KCND3: variants seen among roughly 807,000 people sequenced by gnomAD.
KCND3 encodes A-type voltage-gated potassium channel KCND3.
KCND3 carries 9 observed loss-of-function variants against 51.1 expected under a neutral mutation model. That is an observed-to-expected ratio of 0.18 (90% CI 0.11 to 0.31). KCND3 has a LOEUF of 0.31. Ranked by LOEUF, KCND3 falls within the 10% of genes least tolerant of loss-of-function variation. The pLI is 1.00. For missense variants in KCND3, 526 were observed against 903.8 expected, an observed-to-expected ratio of 0.58 and a Z score of 5.36; for synonymous variants, 349 against 368.0, an observed-to-expected ratio of 0.95 and a Z score of 0.59.
At chr1:111,826,507 C>T (rs548446731) in intron 2 of KCND3, among the ~76,000 whole-genome samples, 1 of 152,270 alleles carries the variant, frequency 6.6e-6, no homozygotes, top group South Asian at 2.1e-4. Flanking sequence ...GTGCACACAC[C>T]CACCATCATC....
intron 2 of KCND3, among the ~76,000 whole-genome samples, chr1:111,975,253 G>T (rs1055411050): frequency 6.6e-6 from 1 of 152,182 alleles, no homozygotes; most frequent in African/African-American, 2.4e-5. Context: ...GCTCTGGCTG[G>T]TTTGTTACAT....
intron 2 of KCND3, among the ~76,000 whole-genome samples, chr1:111,967,056 C>A (rs1000511156): frequency 6.6e-6 from 1 of 150,390 alleles, no homozygotes; most frequent in African/African-American, 2.5e-5. Flanking sequence ...AGGAGAATCG[C>A]TTGAGCCCAG....
At chr1:111,784,840 G>T (rs116715614) in intron 3 of KCND3, among the ~76,000 whole-genome samples, 283 of 152,160 alleles carry the variant, frequency 1.9e-3, no homozygotes, top group African/African-American at 6.6e-3. Context: ...AAGGGTCAGG[G>T]TGGGAGGGAG....
intron 2 of KCND3, among the ~76,000 whole-genome samples, chr1:111,822,619 A>G (rs1230826494): frequency 2.0e-5 from 3 of 152,336 alleles, no homozygotes; most frequent in East Asian, 3.9e-4. Flanking sequence ...ACGGATGAAC[A>G]CTGGGTTGTT....
At chr1:111,917,537 T>C (rs1403818121) in intron 2 of KCND3, among the ~76,000 whole-genome samples, 3 of 152,106 alleles carry the variant, frequency 2.0e-5, no homozygotes, top group Non-Finnish European at 4.4e-5. Flanking sequence ...GTGAGAAAAA[T>C]GCCTACTTGC....
rs78948450 is a variant in KCND3, at chr1:111,981,275, G to A, written c.1106+346C>T. On this transcript the variant is annotated intron_variant, in intron 2 of 7. Transcript: ENST00000302127. This position sits in a 1 kb window ranked among gnomAD's most constrained non-coding sequence, Gnocchi z 6.2. The stretch of plus-strand genomic sequence containing the variant: ...ACAACTGCCCTGACCTTCTCCCCAC[G>A]CTGCCCCATATGCGCAAATGCATAT... 0.012 allele frequency among the ~76,000 whole-genome samples: 1,747 copies of A among 151,890 alleles called. 68 individuals carry two copies. In the East Asian group the frequency reaches 0.13, roughly 11 times the overall value.
At chr1:111,975,501 C>T (rs1344419326) in intron 2 of KCND3, among the ~76,000 whole-genome samples, 3 of 152,136 alleles carry the variant, frequency 2.0e-5, no homozygotes, top group Non-Finnish European at 4.4e-5. Context: ...CTCCCATCTC[C>T]ACTGCCACCA....
intron 2 of KCND3, among the ~76,000 whole-genome samples, chr1:111,969,868 G>C (rs1329045815): frequency 1.3e-5 from 2 of 152,134 alleles, no homozygotes; most frequent in Non-Finnish European, 2.9e-5. Context: ...ACACTTTCCT[G>C]GGGGGATGCT....
At chr1:111,907,350 A>G in intron 2 of KCND3, among the ~76,000 whole-genome samples, 1 of 152,226 alleles carries the variant, frequency 6.6e-6, no homozygotes, top group East Asian at 1.9e-4. Context: ...TGTGGGCTGG[A>G]CTTGTTGACT....
At position 111,780,074 on chromosome 1, in the gene KCND3, T is replaced by C. The variant is rs991876458; in HGVS notation, c.1461+151A>G. The C allele has an allele frequency of 2.2e-6, 2 of 889,590 alleles. No individual in the cohort carries two copies. Among genetic ancestry groups the C allele is most frequent in the Non-Finnish European group, 3.6e-6 (2 of 552,202 alleles). The allele number at this position is 889,590 out of a possible 1,614,324, so 55.1% of individuals were successfully genotyped here. ...TGACCTTGCCCCACTCCTCAGGGTC[T>C]TCCACCTGAGGGCCAGTAGATCCCA... is the stretch of plus-strand genomic sequence containing the variant. On this transcript the variant is annotated intron_variant, in intron 5 of 7. Coordinates refer to ENST00000302127, the MANE Select transcript of KCND3 (RefSeq NM_001378969.1). The surrounding 1 kb of genome is among the most constrained non-coding windows in gnomAD (Gnocchi z 4.2).
intron 2 of KCND3, among the ~76,000 whole-genome samples, chr1:111,799,119 T>C (rs964236085): frequency 6.6e-6 from 1 of 152,202 alleles, no homozygotes; most frequent in Non-Finnish European, 1.5e-5. Flanking sequence ...ACCTGACTTA[T>C]GAGCAAACCA....
chr1:111,830,783 T>C (rs1666799450), intron 2 of KCND3, among the ~76,000 whole-genome samples: 1 of 152,282 alleles, frequency 6.6e-6, no homozygotes, highest in Non-Finnish European at 1.5e-5. Flanking sequence ...CCATAAAATG[T>C]ATTTTAATGT....
At chr1:111,847,555 C>T (rs1667611939) in intron 2 of KCND3, among the ~76,000 whole-genome samples, 1 of 152,166 alleles carries the variant, frequency 6.6e-6, no homozygotes, top group Non-Finnish European at 1.5e-5. Flanking sequence ...TGCGTGCCCG[C>T]GTGCATATGT....
intron 2 of KCND3, among the ~76,000 whole-genome samples, chr1:111,865,603 C>T (rs1179331266): frequency 6.6e-6 from 1 of 152,202 alleles, no homozygotes; most frequent in Non-Finnish European, 1.5e-5. Flanking sequence ...GAGGATCCTT[C>T]ATAGTAGAGA....
At chr1:111,969,565 A>C (rs1674208480) in intron 2 of KCND3, among the ~76,000 whole-genome samples, 2 of 152,212 alleles carry the variant, frequency 1.3e-5, no homozygotes, top group African/African-American at 2.4e-5. Flanking sequence ...TAATAGTAAT[A>C]CTGCTCTCAT....
At chr1:111,947,115 TC>T (rs1175252587) in intron 2 of KCND3, among the ~76,000 whole-genome samples, 1 of 152,212 alleles carries the variant, frequency 6.6e-6, no homozygotes, top group Non-Finnish European at 1.5e-5. Context: ...CTATTTACAT[TC>T]AAAGTAATTA....
intron 2 of KCND3, among the ~76,000 whole-genome samples, chr1:111,795,474 T>C (rs1331691226): frequency 6.6e-6 from 1 of 152,244 alleles, no homozygotes; most frequent in Non-Finnish European, 1.5e-5. Context: ...CAAGGTACTA[T>C]TAGCCCCATT....
In KCND3 at chr1:111,908,899, T is replaced by C. The variant is rs747730590; in HGVS notation, c.1106+72722A>G. On this transcript the variant is annotated intron_variant, in intron 2 of 7. Coordinates refer to ENST00000302127, the MANE Select transcript of KCND3 (RefSeq NM_001378969.1). ...AACTAAAGCAGCAAGGAACTTCCCA[T>C]CTCGGTGGCTAAGTTCTGTTTCAAA... 3.4e-5 allele frequency among the ~76,000 whole-genome samples: 5 copies of C among 149,194 alleles called. No individual in the cohort carries two copies. In the Middle Eastern group the frequency reaches 0.011, roughly 317 times the overall value.
chr1:111,858,844 C>G (rs994808701), intron 2 of KCND3, among the ~76,000 whole-genome samples: 5 of 152,242 alleles, frequency 3.3e-5, no homozygotes, highest in Non-Finnish European at 2.9e-5. Context: ...ACTCCCCTGC[C>G]CCCAGGCTGG....
Sources: allele counts gnomAD v4.1 joint callset (sites outside exome capture counted in the v4.1 genomes callset), GRCh38; gene constraint gnomAD v4.1.1; non-coding constraint Gnocchi (gnomAD v3.1); transcripts MANE v1.5; gene names NCBI Gene and HGNC (gene_info 2026-07-23, HGNC 2026-07-21).